Variants in EPHX1 observed in about 807,000 individuals in gnomAD.
EPHX1 encodes epoxide hydratase.
Under a neutral mutation model 43.2 loss-of-function variants are expected in EPHX1, and 40 were observed. The ratio of observed to expected loss-of-function variants is 0.93; its 90% CI spans 0.72 to 1.21. The LOEUF is 1.21. EPHX1 is among the 50% of genes most tolerant of loss of function. The pLI, the probability that EPHX1 is intolerant of heterozygous loss-of-function variation, is 0.00. For synonymous variants in EPHX1, 221 were observed against 226.7 expected (o/e 0.98, Z 0.22); for missense variants, 550 against 570.4 (o/e 0.96, Z 0.36).
intron 1 of EPHX1, among the ~76,000 whole-genome samples, chr1:225,815,578 T>C (rs960430504): frequency 6.6e-6 from 1 of 152,100 alleles, no homozygotes; most frequent in African/African-American, 2.4e-5. Flanking sequence ...AATTTCAGAG[T>C]TGCCTTCAGG....
In EPHX1 at chr1:225,842,251, GT is replaced by G. The variant is rs772060536; in HGVS notation, c.932-114del. On this transcript the variant is annotated intron_variant, in intron 6 of 8. Coordinates refer to ENST00000272167, the MANE Select transcript of EPHX1 (RefSeq NM_001136018.4). ...AGTTAAGGCAGGCCTGTGCTCGAAC[GT>G]GGCTTCCTGCACACAGCCCCGCCCT... is the stretch of plus-strand genomic sequence containing the variant. The G allele has an allele frequency of 2.4e-5, 19 of 796,258 alleles. No homozygotes were observed. The South Asian group carries it at 2.6e-4, about 11-fold the overall frequency. The allele number at this position is 796,258 out of a possible 1,614,324, so 49.3% of individuals were successfully genotyped here. A position where few individuals can be genotyped will look rare whatever the true frequency, so the allele number is the denominator to read the frequency against.
intron 1 of EPHX1, among the ~76,000 whole-genome samples, chr1:225,814,477 T>G (rs1666628200): frequency 6.6e-6 from 1 of 152,258 alleles, no homozygotes; most frequent in African/African-American, 2.4e-5. Context: ...TTCTCTAGCC[T>G]TCCTCACAGC....
intron 1 of EPHX1, 96 bp from the exon 2 acceptor site, chr1:225,828,629 C>T (rs748955306): frequency 7.3e-5 from 88 of 1,197,614 alleles, no homozygotes; most frequent in South Asian, 2.6e-4. Flanking sequence ...AGGGTTGGAG[C>T]GCAGCAGGAA....
At chr1:225,830,564 A>C (rs1002098499) in intron 2 of EPHX1, among the ~76,000 whole-genome samples, 2 of 152,192 alleles carry the variant, frequency 1.3e-5, no homozygotes, top group Admixed American at 1.3e-4. Flanking sequence ...TCCTGGGTTC[A>C]AGCGATTCTC....
intron 1 of EPHX1, among the ~76,000 whole-genome samples, chr1:225,818,926 T>TAAAAA (rs546153231): frequency 3.1e-5 from 3 of 95,570 alleles, no homozygotes; most frequent in African/African-American, 8.5e-5. Context: ...CTGTCTCCAT[T>TAAAAA]AAAAAAAAAA....
In EPHX1 at chr1:225,845,501, C is replaced by CCCAA. The variant is rs1204762058; in HGVS notation, c.*157_*160dup. 3 of 698,400 alleles carry CCCAA rather than the reference C, an allele frequency of 4.3e-6. No homozygotes were observed. In the African/African-American group the frequency reaches 5.3e-5, roughly 12 times the overall value. The allele number at this position is 698,400 out of a possible 1,614,324, so 43.3% of individuals were successfully genotyped here. ...CCCCCTCACCCCTCCAAGCTCACTC[C>CCCAA]CCAACCCCCAACTCCGTGTGGTAAG... On this transcript the variant is annotated 3_prime_UTR_variant, in exon 9 of 9. Transcript: ENST00000272167.
chr1:225,838,939 G>T (rs1416650984), intron 4 of EPHX1, 58 bp downstream of exon 4: 21 of 1,566,464 alleles, frequency 1.3e-5, no homozygotes, highest in Non-Finnish European at 1.8e-5. Context: ...TGGGCCCGGT[G>T]TTCCCACCAG....
intron 1 of EPHX1, among the ~76,000 whole-genome samples, chr1:225,823,774 C>A (rs1188563173): frequency 6.7e-6 from 1 of 149,390 alleles, no homozygotes; most frequent in Non-Finnish European, 1.5e-5. Flanking sequence ...AGCAGTCCTT[C>A]TCACTCTGGG....
chr1:225,844,369 C>A, intron 7 of EPHX1, 129 bp from the exon 8 acceptor site: 2 of 1,398,548 alleles, frequency 1.4e-6, no homozygotes, highest in Non-Finnish European at 2.0e-6. Flanking sequence ...GGATACCACA[C>A]ACGTTGCATG....
In EPHX1 at chr1:225,834,738, G is replaced by A. The variant is rs45483801; in HGVS notation, c.364+2779G>A. Among the ~76,000 whole-genome samples, 1,005 of 152,212 alleles carry A rather than the reference G, an allele frequency of 6.6e-3. 20 individuals carry two copies. The highest frequency in any genetic ancestry group is 0.022 in the African/African-American group (897 of 41,502). ...GCCACTTAATCCCAGCCAAACTGCTGTATGCAATTACCATAGGTTCCTGTT... is the reference window on the plus strand; with the variant it reads ...GCCACTTAATCCCAGCCAAACTGCTATATGCAATTACCATAGGTTCCTGTT... On this transcript the variant is annotated intron_variant, in intron 3 of 8. Transcript: ENST00000272167.
At position 225,831,888 on chromosome 1, in the gene EPHX1, G is replaced by A. The variant is rs764776530; in HGVS notation, c.293G>A (p.Arg98Gln). The A allele has an allele frequency of 2.7e-5, 43 of 1,614,148 alleles. No individual in the cohort carries two copies. The highest frequency in any genetic ancestry group is 8.9e-5 in the East Asian group (4 of 44,882). ...CTGAAGAAAGTCATCTCCTACTGGCGGAATGAATTTGACTGGAAGAAGCAG... is the reference window on the plus strand; with the variant it reads ...CTGAAGAAAGTCATCTCCTACTGGCAGAATGAATTTGACTGGAAGAAGCAG... ...NYLKKVISYWRNEFDWKKQVE... is the reference protein window; with the variant it reads ...NYLKKVISYWQNEFDWKKQVE... The change falls in exon 3 of 9, where the codon CGG (arginine) becomes CAG (glutamine). Residue 98 changes from arginine (R) to glutamine (Q), a missense_variant. Transcript: ENST00000272167.
rs1299009815 is a variant in EPHX1 at position 225,845,158 on chromosome 1, T to A, written c.1179T>A (p.Tyr393Ter). The A allele has an allele frequency of 6.2e-7, 1 of 1,614,170 alleles. No homozygotes were observed. The highest frequency in any genetic ancestry group is 8.5e-7 in the Non-Finnish European group (1 of 1,180,018). The change falls in exon 9 of 9, where the codon TAT becomes TAA. Residue 393 changes from tyrosine (Y) to a stop codon, truncating the protein, a stop_gained. Coordinates refer to ENST00000272167, the MANE Select transcript of EPHX1 (RefSeq NM_001136018.4). LOFTEE classifies it high-confidence loss of function. ...CTTTCACTTCCAGGATGAAGGTCTA[T>A]GTGCCCACTGGCTTCTCTGCCTTCC... ...MTQKHERMKVYVPTGFSAFPF... is the reference protein window; with the variant it reads ...MTQKHERMKV
chr1:225,813,495 G>A (rs1007443815), intron 1 of EPHX1, among the ~76,000 whole-genome samples: 2 of 152,238 alleles, frequency 1.3e-5, no homozygotes, highest in African/African-American at 4.8e-5. Context: ...AGGAGCTGGT[G>A]GGCGCTCCAG....
In EPHX1 at chr1:225,839,256, T is replaced by C. The variant is rs1215024379; in HGVS notation, c.632T>C (p.Leu211Pro). ...SVATARIFYK[L>P]MLRLGFQEFY... ...GCCACCGCCAGGATCTTTTACAAGC[T>C]GATGCTGCGGCTGGGCTTCCAGGAA... The change falls in exon 5 of 9, where the codon CTG becomes CCG. Residue 211 changes from leucine to proline, a missense_variant. Coordinates refer to ENST00000272167, the MANE Select transcript of EPHX1 (RefSeq NM_001136018.4). The C allele has an allele frequency of 6.2e-7, 1 of 1,614,132 alleles. No individual in the cohort carries two copies. The highest frequency in any genetic ancestry group is 8.5e-7 in the Non-Finnish European group (1 of 1,180,012).
chr1:225,840,070 G>T (rs373021713), intron 6 of EPHX1, 33 bp downstream of exon 6: 1 of 1,607,912 alleles, frequency 6.2e-7, no homozygotes, highest in African/African-American at 1.3e-5. Context: ...GCCCACTGCC[G>T]GCTCCACTGG....
intron 2 of EPHX1, 29 bp from the exon 3 acceptor site, chr1:225,831,750 T>C (rs1274982359): frequency 4.3e-5 from 70 of 1,612,106 alleles, no homozygotes; most frequent in Non-Finnish European, 5.6e-5. Context: ...CCCATCCCTC[T>C]CAACTTGGGG....
intron 5 of EPHX1, 123 bp downstream of exon 5, chr1:225,839,469 C>T (rs1668208772): frequency 1.3e-6 from 2 of 1,521,438 alleles, no homozygotes; most frequent in Admixed American, 2.0e-5. Flanking sequence ...GGGAGTGTGA[C>T]CTGTCACTCA....
intron 1 of EPHX1, among the ~76,000 whole-genome samples, chr1:225,828,121 G>A (rs556933760): frequency 2.0e-5 from 3 of 152,232 alleles, no homozygotes; most frequent in East Asian, 3.9e-4. Flanking sequence ...CGAGGCGGGC[G>A]GATCACGAGG....
In EPHX1 at chr1:225,820,458, G is replaced by A. The variant is rs796225132; in HGVS notation, c.-5-8267G>A. On this transcript the variant is annotated intron_variant, in intron 1 of 8. Transcript: ENST00000272167. ...GAAGGGTAATCTGAATTGTAAACAC[G>A]ATTTCTAAGTTAAAACTCCTGGGTC... Among the ~76,000 whole-genome samples, 4 of 152,270 alleles carry A rather than the reference G, an allele frequency of 2.6e-5. No individual in the cohort carries two copies. The South Asian group carries it at 6.2e-4, about 24-fold the overall frequency.
Sources: allele counts gnomAD v4.1 joint callset (sites outside exome capture counted in the v4.1 genomes callset), GRCh38; gene constraint gnomAD v4.1.1; transcripts MANE v1.5; gene names NCBI Gene and HGNC (gene_info 2026-07-23, HGNC 2026-07-21).